Variants in AK8 observed in about 807,000 individuals in gnomAD.
AK8 encodes adenylate kinase 8, also known as ATP-AMP transphosphorylase 8.
Under a neutral mutation model 54.6 loss-of-function variants are expected in AK8, and 44 were observed. The ratio of observed to expected loss-of-function variants is 0.81; its 90% confidence interval spans 0.63 to 1.04. AK8 has a LOEUF of 1.04. AK8 is among the 50% of genes least tolerant of loss of function. The pLI, the probability that AK8 is intolerant of heterozygous loss-of-function variation, is 0.00. For missense variants in AK8, 555 were observed against 613.6 expected (o/e 0.90, Z 1.01); for synonymous variants, 239 against 245.6 (o/e 0.97, Z 0.25).
rs972584340 is a variant in AK8, at chr9:132,809,132, T to C, written c.979+5506A>G. On this transcript the variant is annotated intron_variant, in intron 10 of 12. Coordinates refer to ENST00000298545, the MANE Select transcript of AK8 (RefSeq NM_152572.3). ...ACAGGCAGGGGAGTGACTGGGTGCT[T>C]TCCTATGTTCCCAGGAATGCCGCTG... Among the ~76,000 whole-genome samples, 5 of 152,274 alleles carry C rather than the reference T, an allele frequency of 3.3e-5. 1 individual carries two copies. Among genetic ancestry groups the C allele is most frequent in the East Asian group, 1.9e-4 (1 of 5,180 alleles).
chr9:132,858,981 T>G (rs531437203), intron 4 of AK8, among the ~76,000 whole-genome samples: 1 of 152,268 alleles, frequency 6.6e-6, no homozygotes, highest in Non-Finnish European at 1.5e-5. Flanking sequence ...TCACCTCCTC[T>G]ACCCCAAGCC....
chr9:132,877,936 G>T, intron 1 of AK8: 1 of 1,005,336 alleles, frequency 9.9e-7, no homozygotes, highest in Non-Finnish European at 1.5e-6. Flanking sequence ...CCCGGCTCGA[G>T]TGGCCCCCTT....
intron 5 of AK8, among the ~76,000 whole-genome samples, chr9:132,833,550 T>C (rs1270273487): frequency 1.3e-5 from 2 of 152,190 alleles, no homozygotes; most frequent in African/African-American, 4.8e-5. Context: ...GGTTAATTGA[T>C]ATTCTGATGC....
intron 11 of AK8, among the ~76,000 whole-genome samples, chr9:132,777,044 G>A (rs1839250662): frequency 6.6e-6 from 1 of 151,996 alleles, no homozygotes; most frequent in Non-Finnish European, 1.5e-5. Context: ...TCATCCTCCT[G>A]CCCCGCGTGT....
intron 10 of AK8, among the ~76,000 whole-genome samples, chr9:132,805,488 A>G (rs1429458474): frequency 2.6e-5 from 4 of 152,220 alleles, no homozygotes; most frequent in Non-Finnish European, 5.9e-5. Context: ...ATCTGGCATC[A>G]CTTACTGCCT....
At chr9:132,806,862 A>T (rs2131223919) in intron 10 of AK8, among the ~76,000 whole-genome samples, 1 of 152,250 alleles carries the variant, frequency 6.6e-6, no homozygotes, top group East Asian at 1.9e-4. Flanking sequence ...GTGAGGTCTC[A>T]TTACCAGAAA....
intron 11 of AK8, among the ~76,000 whole-genome samples, chr9:132,773,245 T>C (rs916515802): frequency 5.3e-5 from 8 of 152,132 alleles, no homozygotes; most frequent in African/African-American, 1.9e-4. Context: ...CTTCCCTACA[T>C]CTGTCCATGG....
At chr9:132,872,486 C>G (rs1420745193) in intron 2 of AK8, among the ~76,000 whole-genome samples, 2 of 152,064 alleles carry the variant, frequency 1.3e-5, no homozygotes, top group African/African-American at 4.8e-5. Context: ...TAGATAGAGT[C>G]TTACTATGTT....
chr9:132,832,422 A>T (rs1842147661), intron 5 of AK8, among the ~76,000 whole-genome samples: 3 of 152,212 alleles, frequency 2.0e-5, no homozygotes, highest in African/African-American at 7.2e-5. Flanking sequence ...CAGGAGACGC[A>T]GCGTCTGACA....
intron 2 of AK8, among the ~76,000 whole-genome samples, chr9:132,868,078 C>CT (rs997050172): frequency 6.6e-6 from 1 of 152,202 alleles, no homozygotes; most frequent in African/African-American, 2.4e-5. Context: ...GGCCTGGCCC[C>CT]TGACCCAAGG....
chr9:132,741,590 A>C (rs921046979), intron 11 of AK8, among the ~76,000 whole-genome samples: 1 of 152,200 alleles, frequency 6.6e-6, no homozygotes, highest in Non-Finnish European at 1.5e-5. Flanking sequence ...GGGGTGGGTC[A>C]CCGCAGCCTC....
At chr9:132,868,139 C>G (rs557251365) in intron 2 of AK8, among the ~76,000 whole-genome samples, 1 of 152,330 alleles carries the variant, frequency 6.6e-6, no homozygotes, top group African/African-American at 2.4e-5. Flanking sequence ...CTAACGTCTG[C>G]ATGAGAGCCT....
At chr9:132,786,528 CA>C (rs1372251599) in intron 11 of AK8, among the ~76,000 whole-genome samples, 1 of 152,152 alleles carries the variant, frequency 6.6e-6, no homozygotes, top group African/African-American at 2.4e-5. Context: ...CAGGAGACTG[CA>C]TGAGTCCTCT....
chr9:132,830,638 T>C (rs1842070340), intron 5 of AK8, among the ~76,000 whole-genome samples: 1 of 152,222 alleles, frequency 6.6e-6, no homozygotes, highest in Admixed American at 6.5e-5. Flanking sequence ...TGACAACAGC[T>C]CTTTACATAT....
At chr9:132,734,721 G>A (rs1837015555) in intron 11 of AK8, among the ~76,000 whole-genome samples, 1 of 152,114 alleles carries the variant, frequency 6.6e-6, no homozygotes, top group African/African-American at 2.4e-5. Flanking sequence ...GGGTGACAGA[G>A]AAAGACCCTG....
chr9:132,853,938 GA>G (rs1465893037), intron 5 of AK8, among the ~76,000 whole-genome samples: 5 of 151,680 alleles, frequency 3.3e-5, no homozygotes, highest in African/African-American at 7.3e-5. Context: ...AATGCTGAAA[GA>G]AAAAAACTGT....
At chr9:132,762,513 G>A (rs556296164) in intron 11 of AK8, among the ~76,000 whole-genome samples, 25 of 152,200 alleles carry the variant, frequency 1.6e-4, no homozygotes, top group Middle Eastern at 3.4e-3. Context: ...CCACAAAGAC[G>A]GCCAAACAGT....
At chr9:132,814,278 CAAAAAAAAAAAA>C (rs71376658) in intron 10 of AK8, among the ~76,000 whole-genome samples, 103 of 63,892 alleles carry the variant, frequency 1.6e-3, no homozygotes, top group South Asian at 2.1e-3. Context: ...TACCCTGTCT[CAAAAAAAAAAAA>C]AAAAAAAAAA....
At position 132,803,793 on chromosome 9, in the gene AK8, C is replaced by T. The variant is rs1043924418; in HGVS notation, c.979+10845G>A. ...TCAGGCTGCATGCTGCCCCCTGTGA[C>T]CTGTCTCCTCTTTGTTCCTTCAAGA... On this transcript the variant is annotated intron_variant, in intron 10 of 12. Transcript: ENST00000298545. The surrounding 1 kb of genome is among the most constrained non-coding windows in gnomAD (Gnocchi z 4.4). 1.3e-5 allele frequency among the ~76,000 whole-genome samples: 2 copies of T among 152,210 alleles called. No individual in the cohort carries two copies. The highest frequency in any genetic ancestry group is 3.4e-3 in the Middle Eastern group (1 of 294).
Sources: allele counts gnomAD v4.1 joint callset (sites outside exome capture counted in the v4.1 genomes callset), GRCh38; gene constraint gnomAD v4.1.1; non-coding constraint Gnocchi (gnomAD v3.1); transcripts MANE v1.5; gene names NCBI Gene and HGNC (gene_info 2026-07-23, HGNC 2026-07-21).